Variants in FREM2 observed in about 807,000 individuals in gnomAD.
FREM2 encodes the protein FRAS1-related extracellular matrix protein 2.
In FREM2, 119 loss-of-function variants were observed where a neutral mutation model predicts 219.9. The ratio of observed to expected loss-of-function variants is 0.54; its 90% CI spans 0.47 to 0.63. FREM2 has a LOEUF of 0.63. FREM2 is among the 30% of genes least tolerant of loss of function. The pLI is 0.00. For synonymous variants in FREM2, 1,562 were observed against 1,522.8 expected (o/e 1.03, Z -0.60); for missense variants, 4,030 against 3,993.6 (o/e 1.01, Z -0.25).
chr13:38,708,536 C>T (rs566298011), intron 2 of FREM2, among the ~76,000 whole-genome samples: 3 of 152,088 alleles, frequency 2.0e-5, no homozygotes, highest in African/African-American at 7.2e-5. Flanking sequence ...TGCCTGTAAT[C>T]CCAGCTACTC....
At chr13:38,759,450 T>TAAA (rs75729303) in intron 2 of FREM2, among the ~76,000 whole-genome samples, 1 of 125,726 alleles carries the variant, frequency 8.0e-6, no homozygotes, top group Non-Finnish European at 1.7e-5. Context: ...TTTGTTATTC[T>TAAA]AAAAAAAAAA....
intron 2 of FREM2, among the ~76,000 whole-genome samples, chr13:38,744,497 A>ATTG (rs1434285496): frequency 1.6e-4 from 25 of 151,562 alleles, no homozygotes; most frequent in Non-Finnish European, 4.4e-5. Context: ...TATTATTATT[A>ATTG]TTATTATTTT....
intron 7 of FREM2, among the ~76,000 whole-genome samples, chr13:38,846,940 G>T (rs746772034): frequency 6.6e-6 from 1 of 152,030 alleles, no homozygotes; most frequent in Admixed American, 6.6e-5. Flanking sequence ...GGTTACAAAC[G>T]TTAAGACTCA....
chr13:38,754,888 TGATG>T (rs1872923305), intron 2 of FREM2, among the ~76,000 whole-genome samples: 2 of 110,158 alleles, frequency 1.8e-5, no homozygotes, highest in Admixed American at 1.0e-4. Context: ...ATGATGATGA[TGATG>T]ATGATGATGA....
rs746309784 is a variant in FREM2 at position 38,880,728 on chromosome 13, A to C, written c.9451A>C (p.Ser3151Arg). Reference protein sequence around the residue: ...FRGKDAPKGSSSSEPMVPPQS... With the variant: ...FRGKDAPKGSRSSEPMVPPQS... ...GGGGAAGGATGCCCCGAAAGGCTCC[A>C]GCAGCAGTGAGCCCATGGTGCCCCC... The change falls in exon 24 of 24, where the codon AGC (serine) becomes CGC (arginine). Residue 3151 changes from serine to arginine, a missense_variant. Physicochemically the swap from Ser to Arg is moderately radical, Grantham distance 110. Coordinates refer to ENST00000280481, the MANE Select transcript of FREM2 (RefSeq NM_207361.6). 3 of 1,614,208 alleles carry C rather than the reference A, an allele frequency of 1.9e-6. No individual in the cohort carries two copies. In the Admixed American group the frequency reaches 5.0e-5, roughly 27 times the overall value.
At chr13:38,752,326 A>G (rs1399837463) in intron 2 of FREM2, among the ~76,000 whole-genome samples, 2 of 152,228 alleles carry the variant, frequency 1.3e-5, no homozygotes, top group Admixed American at 1.3e-4. Flanking sequence ...TTTTAAGTCT[A>G]GGAGTTTAAA....
intron 4 of FREM2, among the ~76,000 whole-genome samples, chr13:38,774,351 C>G (rs917486880): frequency 6.6e-6 from 1 of 152,102 alleles, no homozygotes; most frequent in African/African-American, 2.4e-5. Flanking sequence ...TACTCTATGC[C>G]AGGAATGCTG....
At chr13:38,788,638 G>A (rs968470418) in intron 6 of FREM2, among the ~76,000 whole-genome samples, 11 of 152,044 alleles carry the variant, frequency 7.2e-5, no homozygotes, top group Admixed American at 7.2e-4. Flanking sequence ...ATCACAGTTT[G>A]TCTTTTCTTT....
chr13:38,703,512 C>T (rs892432040), intron 2 of FREM2, among the ~76,000 whole-genome samples: 2 of 152,060 alleles, frequency 1.3e-5, no homozygotes. Flanking sequence ...GTTTGTAAGC[C>T]TTTCACTCTT....
At chr13:38,750,097 C>G (rs1227221605) in intron 2 of FREM2, among the ~76,000 whole-genome samples, 1 of 152,050 alleles carries the variant, frequency 6.6e-6, no homozygotes, top group African/African-American at 2.4e-5. Context: ...TTGCTTAGGA[C>G]CAAAACTCCT....
intron 6 of FREM2, among the ~76,000 whole-genome samples, chr13:38,814,330 C>T (rs1875671093): frequency 6.6e-6 from 1 of 152,180 alleles, no homozygotes; most frequent in Non-Finnish European, 1.5e-5. Flanking sequence ...TTGTGCCTGT[C>T]CTTCTTTGGA....
chr13:38,837,848 T>C (rs1384062146), intron 6 of FREM2, among the ~76,000 whole-genome samples: 1 of 151,894 alleles, frequency 6.6e-6, no homozygotes, highest in Admixed American at 6.6e-5. Flanking sequence ...TGAGCCTACG[T>C]GTGTCTCTGC....
chr13:38,711,240 C>T (rs1316538397), intron 2 of FREM2, among the ~76,000 whole-genome samples: 2 of 152,144 alleles, frequency 1.3e-5, no homozygotes, highest in Admixed American at 6.5e-5. Flanking sequence ...TCCCCGTCTT[C>T]GCCTCCAGCC....
At chr13:38,716,738 C>T (rs1306625407) in intron 2 of FREM2, among the ~76,000 whole-genome samples, 1 of 152,174 alleles carries the variant, frequency 6.6e-6, no homozygotes, top group African/African-American at 2.4e-5. Flanking sequence ...GAACTCCTGG[C>T]CTCAGGTAAT....
chr13:38,724,088 G>A (rs903551426), intron 2 of FREM2, among the ~76,000 whole-genome samples: 11 of 152,246 alleles, frequency 7.2e-5, no homozygotes, highest in African/African-American at 2.6e-4. Flanking sequence ...AGGTGACCCA[G>A]CATATCCAGG....
chr13:38,859,676 A>G lies in FREM2; in HGVS notation c.7519+86A>G, dbSNP rs9594304. On this transcript the variant is annotated intron_variant, in intron 14 of 23. Transcript: ENST00000280481. ...TACTTTCTGGTTATTAATACTTCCA[A>G]TGTCCCACATATTCCATATATTTTG... The G allele has an allele frequency of 0.2, 244,517 of 1,201,362 alleles. 27,040 individuals are homozygous for G. Among genetic ancestry groups the G allele is most frequent in the African/African-American group, 0.4 (26,806 of 66,592 alleles). 74.4% of individuals were successfully genotyped at this position (1,201,362 alleles called of 1,614,324 possible). A position where few individuals can be genotyped will look rare whatever the true frequency, so the allele number is the denominator to read the frequency against.
rs190802817 is a variant in FREM2 at position 38,693,354 on chromosome 13, C to T, written c.5173+837C>T. 7.2e-5 allele frequency among the ~76,000 whole-genome samples: 11 copies of T among 152,320 alleles called. No individual in the cohort carries two copies. In the East Asian group the frequency reaches 2.1e-3, roughly 29 times the overall value. On this transcript the variant is annotated intron_variant, in intron 1 of 23. Coordinates refer to ENST00000280481, the MANE Select transcript of FREM2 (RefSeq NM_207361.6). ...AACCTCCTCTCTGACCTGTTGCAAA[C>T]ACAGTGACAAAAAACAGTTGCTTCA...
intron 2 of FREM2, among the ~76,000 whole-genome samples, chr13:38,742,340 A>C (rs1872281589): frequency 6.6e-6 from 1 of 152,228 alleles, no homozygotes; most frequent in Non-Finnish European, 1.5e-5. Flanking sequence ...TATGAAAGTG[A>C]GAATGAGATC....
rs1869716159 is a variant in FREM2 at position 38,689,670 on chromosome 13, C to G, written c.2326C>G (p.Gln776Glu). 1 of 1,614,116 alleles carries G rather than the reference C, an allele frequency of 6.2e-7. No homozygotes were observed. The highest frequency in any genetic ancestry group is 8.5e-7 in the Non-Finnish European group (1 of 1,180,018). The stretch of plus-strand genomic sequence containing the variant: ...CTCAGTCGTGGTGACCCATTTTACC[C>G]AAGCCCAGATCAACCATCATAAAAT... ...NPSVVVTHFT[Q>E]AQINHHKIAY... Residue 776 changes from glutamine to glutamate, a missense_variant, in exon 1 of 24, where the codon CAA becomes GAA. By Grantham distance (29) the Gln-to-Glu change is conservative. Coordinates refer to ENST00000280481, the MANE Select transcript of FREM2 (RefSeq NM_207361.6).
Sources: allele counts gnomAD v4.1 joint callset (sites outside exome capture counted in the v4.1 genomes callset), GRCh38; gene constraint gnomAD v4.1.1; transcripts MANE v1.5; gene names NCBI Gene and HGNC (gene_info 2026-07-23, HGNC 2026-07-21).